CD1B: variants seen among roughly 807,000 people sequenced by gnomAD.
The protein encoded by CD1B is T-cell surface glycoprotein CD1b.
CD1B carries 43 observed loss-of-function variants against 39.8 expected under a neutral mutation model. That is an observed-to-expected ratio of 1.08 (90% CI 0.85 to 1.39). The LOEUF is 1.39. Among genes scored for constraint, CD1B ranks in the 40% most tolerant of loss-of-function variants. The pLI is 0.00. For missense variants in CD1B, 495 were observed against 403.8 expected, an observed-to-expected ratio of 1.23 and a Z score of -1.94; for synonymous variants, 192 against 152.5, an observed-to-expected ratio of 1.26 and a Z score of -1.91.
In CD1B at chr1:158,327,985, A is replaced by T. The variant is rs184854467; in HGVS notation, c.*251T>A. The T allele has an allele frequency of 7.6e-6, 3 of 395,184 alleles. No homozygotes were observed. The highest frequency in any genetic ancestry group is 6.1e-5 in the African/African-American group (3 of 48,898). 24.5% of individuals were successfully genotyped at this position (395,184 alleles called of 1,614,324 possible). On this transcript the variant is annotated 3_prime_UTR_variant, in exon 6 of 6. Coordinates refer to ENST00000368168, the MANE Select transcript of CD1B (RefSeq NM_001764.3). ...TGTATTATATTTCATTTATTTTGAGACACATTTTTTCTAACATTTTAATGT... is the reference window on the plus strand; with the variant it reads ...TGTATTATATTTCATTTATTTTGAGTCACATTTTTTCTAACATTTTAATGT...
chr1:158,293,597 C>T, the CD1B span: 1 of 1,610,130 alleles, frequency 6.2e-7, no homozygotes. Context: ...GCATAATAAA[C>T]ATTTGTTAAT....
At chr1:158,307,829 G>A in the CD1B span, among the ~76,000 whole-genome samples, 11 of 152,082 alleles carry the variant, frequency 7.2e-5, no homozygotes, top group South Asian at 4.1e-4. Flanking sequence ...TTGATGGGAT[G>A]TATCTCAAAA....
chr1:158,302,188 G>A, the CD1B span, among the ~76,000 whole-genome samples: 1 of 152,134 alleles, frequency 6.6e-6, no homozygotes, highest in Non-Finnish European at 1.5e-5. Flanking sequence ...TTCTGGTCCT[G>A]AAAGACTTTT....
At chr1:158,286,928 A>G in the CD1B span, among the ~76,000 whole-genome samples, 4 of 152,122 alleles carry the variant, frequency 2.6e-5, no homozygotes, top group Admixed American at 1.3e-4. Flanking sequence ...GGGCAAGTAT[A>G]TATCAGCACC....
At chr1:158,319,021 G>T in the CD1B span, among the ~76,000 whole-genome samples, 2 of 151,844 alleles carry the variant, frequency 1.3e-5, no homozygotes, top group South Asian at 4.2e-4. Context: ...TAGGGTTTCT[G>T]CCAAGAGATC....
the CD1B span, among the ~76,000 whole-genome samples, chr1:158,307,149 T>G: frequency 1.3e-5 from 2 of 152,148 alleles, no homozygotes; most frequent in Non-Finnish European, 2.9e-5. Flanking sequence ...GGAGCTGCTT[T>G]TTTGAAAAGA....
the CD1B span, among the ~76,000 whole-genome samples, chr1:158,309,862 A>T: frequency 6.6e-6 from 1 of 152,066 alleles, no homozygotes; most frequent in Non-Finnish European, 1.5e-5. Context: ...GGATAGCATT[A>T]GGAGATATAC....
chr1:158,293,363 T>TC, the CD1B span: 147 of 1,593,526 alleles, frequency 9.2e-5, no homozygotes, highest in Non-Finnish European at 1.2e-4. Flanking sequence ...CATTTTTCAC[T>TC]CTCTTAGCTT....
At chr1:158,314,828 C>T in the CD1B span, among the ~76,000 whole-genome samples, 14 of 138,450 alleles carry the variant, frequency 1.0e-4, no homozygotes, top group Non-Finnish European at 1.7e-4. Flanking sequence ...CACAACAGTC[C>T]CCAGAGTGTG....
chr1:158,331,460 G>T lies in CD1B; in HGVS notation c.-37C>A. 2 of 1,557,534 alleles carry T rather than the reference G, an allele frequency of 1.3e-6. No homozygotes were observed. The highest frequency in any genetic ancestry group is 1.8e-6 in the Non-Finnish European group (2 of 1,129,470). On this transcript the variant is annotated 5_prime_UTR_variant, in exon 1 of 6. Coordinates refer to ENST00000368168, the MANE Select transcript of CD1B (RefSeq NM_001764.3). ...ATGCAACTTCTTACTGGCAGAGCTG[G>T]TATTTGATCTCCAATTTCAGCAAAG...
At chr1:158,329,306 G>C in intron 4 of CD1B, 64 bp downstream of exon 4, 4 of 1,549,310 alleles carry the variant, frequency 2.6e-6, no homozygotes, top group Non-Finnish European at 3.5e-6. Context: ...CTTCCCCAGT[G>C]CCTCCCTCTA....
chr1:158,290,190 A>G, the CD1B span: 1 of 1,422,704 alleles, frequency 7.0e-7, no homozygotes, highest in Non-Finnish European at 9.9e-7. Flanking sequence ...GGCTTTCCCG[A>G]GATGGATCAA....
At chr1:158,316,117 C>T in the CD1B span, among the ~76,000 whole-genome samples, 12 of 151,876 alleles carry the variant, frequency 7.9e-5, no homozygotes, top group Non-Finnish European at 1.5e-4. Flanking sequence ...GTTCTTTTGG[C>T]TTACGATTGA....
chr1:158,295,755 G>A, the CD1B span, among the ~76,000 whole-genome samples: 1 of 151,342 alleles, frequency 6.6e-6, no homozygotes, highest in Admixed American at 6.6e-5. Flanking sequence ...AGCCTCAGAT[G>A]TTCAACTGAG....
chr1:158,299,903 G>A, the CD1B span, among the ~76,000 whole-genome samples: 1 of 151,944 alleles, frequency 6.6e-6, no homozygotes, highest in South Asian at 2.1e-4. Context: ...CTTGCTAGTG[G>A]TCTATCAATT....
At chr1:158,293,364 C>A in the CD1B span, 2 of 1,593,230 alleles carry the variant, frequency 1.3e-6, no homozygotes, top group Non-Finnish European at 1.7e-6. Flanking sequence ...ATTTTTCACT[C>A]TCTTAGCTTT....
the CD1B span, among the ~76,000 whole-genome samples, chr1:158,319,760 T>A: frequency 1.2e-3 from 181 of 152,336 alleles, no homozygotes; most frequent in African/African-American, 4.3e-3. Context: ...AGTTTCCAGT[T>A]TTTCTGTTCT....
At chr1:158,306,241 TA>T in the CD1B span, among the ~76,000 whole-genome samples, 1 of 151,842 alleles carries the variant, frequency 6.6e-6, no homozygotes, top group African/African-American at 2.4e-5. Context: ...GAAGACCTAA[TA>T]AGCAAATGGA....
chr1:158,297,552 C>A, the CD1B span, among the ~76,000 whole-genome samples: 1 of 152,126 alleles, frequency 6.6e-6, no homozygotes, highest in East Asian at 1.9e-4. Context: ...ACATAACAAC[C>A]AGCTAACAAT....
Sources: allele counts gnomAD v4.1 joint callset (sites outside exome capture counted in the v4.1 genomes callset), GRCh38; gene constraint gnomAD v4.1.1; transcripts MANE v1.5; gene names NCBI Gene and HGNC (gene_info 2026-07-23, HGNC 2026-07-21).